The following EVL variants were observed in gnomAD, a reference collection of about 807,000 sequenced individuals.
EVL encodes Enah/Vasp-like.
In EVL, 21 loss-of-function variants were observed where a neutral mutation model predicts 59.6. The observed-to-expected ratio is 0.35, with a 90% CI of 0.25 to 0.51. The LOEUF is 0.51. EVL is among the 20% of genes least tolerant of loss of function. The pLI is 0.97. For synonymous variants in EVL, 198 were observed against 203.5 expected (o/e 0.97, Z 0.23); for missense variants, 462 against 546.6 (o/e 0.85, Z 1.54).
chr14:100,085,866 G>A (rs1332374396), intron 2 of EVL, among the ~76,000 whole-genome samples: 1 of 152,170 alleles, frequency 6.6e-6, no homozygotes, highest in East Asian at 1.9e-4. Flanking sequence ...GGTGGCTCAC[G>A]CCTGTAATCC....
At chr14:99,997,138 A>G (rs11846945) in intron 1 of EVL, among the ~76,000 whole-genome samples, 2,065 of 152,338 alleles carry the variant, frequency 0.014, 47 homozygotes, top group African/African-American at 0.047. Flanking sequence ...AGTTTGTGTC[A>G]TTTCCCATCT....
upstream of EVL, among the ~76,000 whole-genome samples, chr14:100,063,258 G>A (rs945324359): frequency 2.0e-5 from 3 of 152,122 alleles, no homozygotes; most frequent in African/African-American, 4.8e-5. Flanking sequence ...TCCACACCGC[G>A]GTCAGAAAGA....
At chr14:99,988,695 G>A (rs753400522) in intron 1 of EVL, among the ~76,000 whole-genome samples, 3 of 152,154 alleles carry the variant, frequency 2.0e-5, no homozygotes, top group Admixed American at 6.5e-5. Context: ...TTCACGAATC[G>A]ATGAATGGAT....
intron 3 of EVL, among the ~76,000 whole-genome samples, chr14:100,105,101 A>AGT (rs1401374419): frequency 6.6e-6 from 1 of 151,974 alleles, no homozygotes; most frequent in Non-Finnish European, 1.5e-5. Flanking sequence ...AGCTGCAGCC[A>AGT]GTGCCCTTGG....
chr14:100,119,909 G>T (rs866997291), intron 3 of EVL, among the ~76,000 whole-genome samples: 3 of 152,164 alleles, frequency 2.0e-5, no homozygotes, highest in Non-Finnish European at 4.4e-5. Context: ...GATGTGATCC[G>T]CAGACCATCG....
Position 100,141,809 on chromosome 14 carries a change from C to T in EVL, c.1219+16C>T. 6.2e-7 allele frequency: 1 copy of T among 1,611,334 alleles called. No homozygotes were observed. Among genetic ancestry groups the T allele is most frequent in the Non-Finnish European group, 8.5e-7 (1 of 1,179,116 alleles). ...ATCATCGACGGTGAGTGCAGCCCCA[C>T]CGGGGAGGGTGGCACCCAGGTGTGG... On this transcript the variant is annotated intron_variant, in intron 13 of 13. Coordinates refer to ENST00000392920, the MANE Select transcript of EVL (RefSeq NM_016337.3).
intron 2 of EVL, among the ~76,000 whole-genome samples, chr14:100,090,025 A>G (rs1567011165): frequency 6.6e-6 from 1 of 152,230 alleles, no homozygotes; most frequent in Non-Finnish European, 1.5e-5. Flanking sequence ...TCAGTGATCT[A>G]TGCCACTATC....
chr14:99,993,754 G>T (rs1001150636), intron 1 of EVL, among the ~76,000 whole-genome samples: 3 of 142,092 alleles, frequency 2.1e-5, no homozygotes, highest in African/African-American at 7.8e-5. Context: ...GTGCAATGGC[G>T]CAGTCTTCCC....
intron 2 of EVL, among the ~76,000 whole-genome samples, chr14:100,085,946 C>T (rs542440121): frequency 6.6e-4 from 100 of 152,054 alleles, no homozygotes; most frequent in African/African-American, 1.6e-3. Context: ...GCTAACACGG[C>T]GAAACCCCAT....
chr14:100,040,431 C>T (rs1279123432), intron 1 of EVL, among the ~76,000 whole-genome samples: 1 of 152,124 alleles, frequency 6.6e-6, no homozygotes, highest in African/African-American at 2.4e-5. Flanking sequence ...TCATTGTTTC[C>T]CCATGTTTTT....
Position 99,977,815 on chromosome 14 carries a change from G to A in EVL, c.5+5758G>A, listed in dbSNP as rs555783263. The stretch of plus-strand genomic sequence containing the variant: ...TTGGGATCTAAAAAAGTCATGGATG[G>A]CTGGGCACGGTGGTTCATGCCTGTA... On this transcript the variant is annotated intron_variant, in intron 1 of 13. Transcript: ENST00000402714. Among the ~76,000 whole-genome samples, 114 of 152,174 alleles carry A rather than the reference G, an allele frequency of 7.5e-4. 1 individual carries two copies. The highest frequency in any genetic ancestry group is 2.6e-3 in the African/African-American group (109 of 41,534).
At chr14:100,016,065 T>C (rs1375632970) in intron 1 of EVL, among the ~76,000 whole-genome samples, 2 of 140,146 alleles carry the variant, frequency 1.4e-5, no homozygotes, top group Non-Finnish European at 3.1e-5. Context: ...CGTGACAGAG[T>C]AAGACTCTGT....
chr14:100,131,467 GTC>G (rs1025821033), intron 7 of EVL, among the ~76,000 whole-genome samples: 3 of 152,214 alleles, frequency 2.0e-5, no homozygotes, highest in African/African-American at 7.2e-5. Flanking sequence ...CATGTAGGTT[GTC>G]TCCCGCCTCT....
chr14:100,101,674 T>A (rs1886231533), intron 3 of EVL, among the ~76,000 whole-genome samples: 1 of 151,980 alleles, frequency 6.6e-6, no homozygotes, highest in African/African-American at 2.4e-5. Flanking sequence ...GAAAATAAAG[T>A]TTTGGGAAGT....
At position 100,097,591 on chromosome 14, in the gene EVL, AGAAG is replaced by A; in HGVS notation, c.292_295del (p.Glu98ArgfsTer13). Reference sequence around the variant, plus strand: ...TCTACGGCTTAAACTTTGCAAGTAAAGAAGAGGCAACCACGTTCTCCAATGCAAT... The same window carrying A: ...TCTACGGCTTAAACTTTGCAAGTAAAAGGCAACCACGTTCTCCAATGCAAT... On this transcript the variant is annotated frameshift_variant, in exon 3 of 14. Transcript: ENST00000392920. LOFTEE classifies it high-confidence loss of function. 6.2e-7 allele frequency: 1 copy of A among 1,614,186 alleles called. No homozygotes were observed. Among genetic ancestry groups the A allele is most frequent in the Non-Finnish European group, 8.5e-7 (1 of 1,180,032 alleles).
chr14:100,019,350 C>A, intron 1 of EVL: 1 of 318,298 alleles, frequency 3.1e-6, no homozygotes, highest in Non-Finnish European at 5.7e-6. Context: ...CCAGGCGTGC[C>A]CTGGGTTCGA....
At position 99,993,198 on chromosome 14, in the gene EVL, CA is replaced by C. The variant is rs368759244; in HGVS notation, c.5+21142del. On this transcript the variant is annotated intron_variant, in intron 1 of 13. Coordinates refer to the EVL transcript ENST00000402714. Reference sequence around the variant, plus strand: ...TCAGCCTCCTGAGTAGCTGGGACTACAGGCACGTGCCACCACGCCTGGCTAA... The same window carrying C: ...TCAGCCTCCTGAGTAGCTGGGACTACGGCACGTGCCACCACGCCTGGCTAA... Among the ~76,000 whole-genome samples, 109 of 151,774 alleles carry C rather than the reference CA, an allele frequency of 7.2e-4. 2 individuals are homozygous for C. Among genetic ancestry groups the C allele is most frequent in the African/African-American group, 2.5e-3 (105 of 41,378 alleles).
intron 1 of EVL, among the ~76,000 whole-genome samples, chr14:100,081,513 CA>C (rs34871876): frequency 0.6 from 73,202 of 122,102 alleles, 22,627 homozygotes; most frequent in Middle Eastern, 0.71. Flanking sequence ...TTAACAACAG[CA>C]AAAAAAAAAA....
chr14:100,095,488 T>C (rs1393587731), intron 2 of EVL, among the ~76,000 whole-genome samples: 1 of 152,238 alleles, frequency 6.6e-6, no homozygotes, highest in African/African-American at 2.4e-5. Flanking sequence ...TTGGTAGTTA[T>C]TAGTTACTAG....
Sources: allele counts gnomAD v4.1 joint callset (sites outside exome capture counted in the v4.1 genomes callset), GRCh38; gene constraint gnomAD v4.1.1; transcripts MANE v1.5; gene names NCBI Gene and HGNC (gene_info 2026-07-23, HGNC 2026-07-21).